Variants in SYT9 observed in about 807,000 individuals in gnomAD.
SYT9 encodes the protein synaptotagmin-9.
Under a neutral mutation model 48.4 loss-of-function variants are expected in SYT9, and 22 were observed. That is an observed-to-expected ratio of 0.45 (90% CI 0.32 to 0.65). SYT9 has a LOEUF of 0.65. Among genes scored for constraint, SYT9 ranks in the 30% least tolerant of loss-of-function variants. SYT9 has a pLI of 0.03. For missense variants in SYT9, 577 were observed against 622.0 expected (o/e 0.93, Z 0.77); for synonymous variants, 265 against 245.0 (o/e 1.08, Z -0.76).
At chr11:7,396,139 T>A (rs1468029203) in intron 3 of SYT9, among the ~76,000 whole-genome samples, 1 of 152,144 alleles carries the variant, frequency 6.6e-6, no homozygotes, top group East Asian at 1.9e-4. Flanking sequence ...ATAAGTTTTG[T>A]CCCATACTTA....
At chr11:7,248,468 G>T (rs1564835158), upstream of SYT9, among the ~76,000 whole-genome samples, 1 of 152,084 alleles carries the variant, frequency 6.6e-6, no homozygotes, top group Non-Finnish European at 1.5e-5. Flanking sequence ...TCAGCTCTTA[G>T]ATTTAAGTCC....
intron 3 of SYT9, among the ~76,000 whole-genome samples, chr11:7,413,136 C>T (rs1847170579): frequency 6.6e-6 from 1 of 152,170 alleles, no homozygotes; most frequent in Non-Finnish European, 1.5e-5. Flanking sequence ...GGGGAGGGCA[C>T]AGACACTCTC....
chr11:7,330,902 G>A (rs377702514), intron 3 of SYT9, among the ~76,000 whole-genome samples: 1 of 152,034 alleles, frequency 6.6e-6, no homozygotes, highest in Non-Finnish European at 1.5e-5. Flanking sequence ...TCACCATGTT[G>A]GCCAGGCTGG....
intron 6 of SYT9, among the ~76,000 whole-genome samples, chr11:7,434,491 C>G (rs747651482): frequency 1.3e-5 from 2 of 152,090 alleles, no homozygotes; most frequent in Admixed American, 1.3e-4. Context: ...CTTGGAGGAT[C>G]GTAGCCTGGC....
intron 1 of SYT9, among the ~76,000 whole-genome samples, chr11:7,257,126 A>G (rs373451080): frequency 1.7e-4 from 26 of 152,296 alleles, no homozygotes; most frequent in African/African-American, 6.0e-4. Flanking sequence ...ATGTGCAGCC[A>G]AGTAGAGAAC....
chr11:7,273,595 C>A (rs938799630), intron 1 of SYT9, among the ~76,000 whole-genome samples: 1 of 151,920 alleles, frequency 6.6e-6, no homozygotes, highest in Non-Finnish European at 1.5e-5. Flanking sequence ...TAAGTGAGTC[C>A]CATGGCCAGG....
intron 3 of SYT9, among the ~76,000 whole-genome samples, chr11:7,339,471 T>G (rs1428506186): frequency 6.6e-6 from 1 of 152,192 alleles, no homozygotes; most frequent in Non-Finnish European, 1.5e-5. Flanking sequence ...CTTAAGTATG[T>G]TTTTGCACTG....
At chr11:7,407,024 T>G (rs1847028159) in intron 3 of SYT9, among the ~76,000 whole-genome samples, 1 of 152,174 alleles carries the variant, frequency 6.6e-6, no homozygotes, top group Admixed American at 6.5e-5. Context: ...TCATGTCTTT[T>G]GCCCACTTTT....
chr11:7,323,829 T>C (rs1849379998), intron 3 of SYT9, among the ~76,000 whole-genome samples: 1 of 152,054 alleles, frequency 6.6e-6, no homozygotes, highest in Non-Finnish European at 1.5e-5. Flanking sequence ...TTCAGCTATT[T>C]GGTTTGCTAA....
At chr11:7,296,920 A>G (rs982795173) in intron 1 of SYT9, among the ~76,000 whole-genome samples, 5 of 152,130 alleles carry the variant, frequency 3.3e-5, no homozygotes, top group Admixed American at 6.5e-5. Flanking sequence ...CACCTTCCCT[A>G]CAAAGCACCA....
chr11:7,437,341 G>C (rs1422086658), intron 6 of SYT9, among the ~76,000 whole-genome samples: 4 of 152,168 alleles, frequency 2.6e-5, no homozygotes, highest in African/African-American at 4.8e-5. Flanking sequence ...ATACATTTCA[G>C]TCATGACATG....
intron 6 of SYT9, among the ~76,000 whole-genome samples, chr11:7,423,574 C>A (rs1877850): frequency 0.64 from 96,817 of 152,138 alleles, 32,697 homozygotes; most frequent in Middle Eastern, 0.77. Context: ...TGAAATGCAG[C>A]ATTGTAGCTG....
chr11:7,260,064 G>T (rs553683302), intron 1 of SYT9, among the ~76,000 whole-genome samples: 1 of 151,970 alleles, frequency 6.6e-6, no homozygotes, highest in African/African-American at 2.4e-5. Context: ...ACGTTGAATT[G>T]ATCAATCTTT....
At chr11:7,260,238 A>G (rs569996214) in intron 1 of SYT9, among the ~76,000 whole-genome samples, 1 of 152,354 alleles carries the variant, frequency 6.6e-6, no homozygotes, top group South Asian at 2.1e-4. Context: ...AAGAAGGGAG[A>G]TATCTACTGG....
chr11:7,291,207 G>C (rs1003205311), intron 1 of SYT9, among the ~76,000 whole-genome samples: 1 of 152,166 alleles, frequency 6.6e-6, no homozygotes, highest in African/African-American at 2.4e-5. Context: ...GTCCATGTAG[G>C]TCAGCCTCAC....
chr11:7,421,704 C>A (rs952479073), intron 6 of SYT9, among the ~76,000 whole-genome samples: 1 of 152,178 alleles, frequency 6.6e-6, no homozygotes, highest in African/African-American at 2.4e-5. Flanking sequence ...AATTTGCACT[C>A]CCTAAGTAAC....
chr11:7,341,136 G>C (rs1849705900), intron 3 of SYT9, among the ~76,000 whole-genome samples: 1 of 152,178 alleles, frequency 6.6e-6, no homozygotes, highest in Non-Finnish European at 1.5e-5. Context: ...AGAGAAATGG[G>C]ATCCAGGACC....
At chr11:7,423,970 A>AT (rs942212970) in intron 6 of SYT9, among the ~76,000 whole-genome samples, 2 of 152,170 alleles carry the variant, frequency 1.3e-5, no homozygotes, top group African/African-American at 4.8e-5. Flanking sequence ...GTGTGCACTC[A>AT]TGAGCATGTG....
At chr11:7,423,543 G>T (rs115083955) in intron 6 of SYT9, among the ~76,000 whole-genome samples, 1,856 of 152,292 alleles carry the variant, frequency 0.012, 37 homozygotes, top group African/African-American at 0.043. Context: ...GGGATGGTGA[G>T]GATTAAACAA....
Sources: allele counts gnomAD v4.1 joint callset (sites outside exome capture counted in the v4.1 genomes callset), GRCh38; gene constraint gnomAD v4.1.1; transcripts MANE v1.5; gene names NCBI Gene and HGNC (gene_info 2026-07-23, HGNC 2026-07-21).